Variants in NRXN3 observed in about 807,000 individuals in gnomAD.
NRXN3 encodes neurexin III.
NRXN3 carries 32 observed loss-of-function variants against 137.6 expected under a neutral mutation model. The observed-to-expected ratio is 0.23, with a 90% CI of 0.18 to 0.31. The LOEUF is 0.31. Among genes scored for constraint, NRXN3 ranks in the 10% least tolerant of loss-of-function variants. The pLI, the probability that NRXN3 is intolerant of heterozygous loss-of-function variation, is 1.00. For missense variants in NRXN3, 1,574 were observed against 2,062.5 expected, an observed-to-expected ratio of 0.76 and a Z score of 4.59; for synonymous variants, 798 against 784.5, an observed-to-expected ratio of 1.02 and a Z score of -0.29.
chr14:79,691,509 T>A (rs967070139), intron 17 of NRXN3, among the ~76,000 whole-genome samples: 41 of 152,166 alleles, frequency 2.7e-4, no homozygotes, highest in South Asian at 6.2e-4. Flanking sequence ...TCCTTATTTT[T>A]AAAAATGTGG....
rs577622129 is a variant in NRXN3, at chr14:78,785,259, G to A, written c.2045-18361G>A. On this transcript the variant is annotated intron_variant, in intron 8 of 20. Coordinates refer to ENST00000335750, the MANE Select transcript of NRXN3 (RefSeq NM_001330195.2). ...CATCAGACACACACTTGATCATCTA[G>A]TGTTTTGCAATATAATTAGTTGTTG... Among the ~76,000 whole-genome samples, 25 of 152,232 alleles carry A rather than the reference G, an allele frequency of 1.6e-4. No homozygotes were observed. In the South Asian group the frequency reaches 5.0e-3, roughly 30 times the overall value.
chr14:79,005,883 T>C (rs1196027920), intron 15 of NRXN3, among the ~76,000 whole-genome samples: 2 of 152,226 alleles, frequency 1.3e-5, no homozygotes, highest in African/African-American at 4.8e-5. Context: ...TTACTCTCTT[T>C]CCTTTCTTTC....
chr14:78,179,982 A>G (rs990435965), intron 1 of NRXN3, among the ~76,000 whole-genome samples: 2 of 151,728 alleles, frequency 1.3e-5, no homozygotes, highest in African/African-American at 2.4e-5. Context: ...AGAAGCTGGG[A>G]TTACAGGCAT....
intron 6 of NRXN3, among the ~76,000 whole-genome samples, chr14:78,666,355 G>T (rs1198735542): frequency 6.6e-6 from 1 of 152,082 alleles, no homozygotes; most frequent in Non-Finnish European, 1.5e-5. Context: ...CTCTTTCCAG[G>T]AGACGGTAGG....
At chr14:79,778,646 AG>A (rs2099104903) in intron 19 of NRXN3, among the ~76,000 whole-genome samples, 1 of 152,170 alleles carries the variant, frequency 6.6e-6, no homozygotes. Context: ...TTTTAAAAGA[AG>A]GGCAGGGGAA....
At chr14:79,039,929 A>G (rs1355020126) in intron 15 of NRXN3, among the ~76,000 whole-genome samples, 1 of 152,046 alleles carries the variant, frequency 6.6e-6, no homozygotes. Context: ...GTCTCAAACT[A>G]CTGACCTCAA....
chr14:79,507,618 AG>A (rs1256148986), intron 16 of NRXN3, among the ~76,000 whole-genome samples: 1 of 152,174 alleles, frequency 6.6e-6, no homozygotes, highest in African/African-American at 2.4e-5. Flanking sequence ...GATCTTGAGT[AG>A]GCAGGACCTT....
intron 15 of NRXN3, among the ~76,000 whole-genome samples, chr14:79,238,381 A>G (rs2073776202): frequency 6.6e-6 from 1 of 152,120 alleles, no homozygotes; most frequent in African/African-American, 2.4e-5. Context: ...CCCTATAGAG[A>G]CATATTCTCC....
chr14:79,104,288 G>C (rs1405698339), intron 15 of NRXN3, among the ~76,000 whole-genome samples: 1 of 152,140 alleles, frequency 6.6e-6, no homozygotes, highest in African/African-American at 2.4e-5. Flanking sequence ...GCAAAAGTGG[G>C]CAGTAGTCTT....
intron 16 of NRXN3, among the ~76,000 whole-genome samples, chr14:79,662,433 T>C (rs984929246): frequency 1.3e-5 from 2 of 152,128 alleles, no homozygotes; most frequent in African/African-American, 2.4e-5. Context: ...CTTTTAGTCA[T>C]AACCAATTAT....
At chr14:78,863,333 C>T (rs558335528) in intron 10 of NRXN3, among the ~76,000 whole-genome samples, 1 of 152,128 alleles carries the variant, frequency 6.6e-6, no homozygotes, top group African/African-American at 2.4e-5. Flanking sequence ...GTTCAGCCCC[C>T]GTATGGAGCT....
intron 16 of NRXN3, among the ~76,000 whole-genome samples, chr14:79,577,396 T>G (rs893354359): frequency 6.6e-6 from 1 of 152,206 alleles, no homozygotes; most frequent in Non-Finnish European, 1.5e-5. Flanking sequence ...TATTTTTCAG[T>G]CTTTTGAATG....
chr14:78,290,150 C>T (rs2075657999), intron 3 of NRXN3, among the ~76,000 whole-genome samples: 1 of 152,176 alleles, frequency 6.6e-6, no homozygotes, highest in Non-Finnish European at 1.5e-5. Flanking sequence ...ATAGACAATG[C>T]TGAGAAAAGG....
chr14:78,661,578 A>C (rs1024109541), intron 6 of NRXN3, among the ~76,000 whole-genome samples: 3 of 152,206 alleles, frequency 2.0e-5, no homozygotes, highest in African/African-American at 7.2e-5. Context: ...AAAATGGTAG[A>C]AATTGTGCAT....
chr14:79,798,774 G>A (rs1022054780), intron 19 of NRXN3, among the ~76,000 whole-genome samples: 18 of 152,150 alleles, frequency 1.2e-4, no homozygotes, highest in Admixed American at 2.6e-4. Flanking sequence ...AGAGTGAAAC[G>A]GTCTTGAGCA....
At chr14:78,520,200 C>T (rs946809570) in intron 4 of NRXN3, among the ~76,000 whole-genome samples, 8 of 152,180 alleles carry the variant, frequency 5.3e-5, no homozygotes, top group African/African-American at 1.9e-4. Context: ...TGGATACTAC[C>T]TGTCCAATGG....
rs35177007 is a variant in NRXN3, at chr14:78,326,926, CAA to C, written c.757+29082_757+29083del. ...TCACTGTGTTGCCTTGAGTGAGTTA[CAA>C]AAAAAAAAAAAAAAATCTCTCTGTT... On this transcript the variant is annotated intron_variant, in intron 4 of 20. Coordinates refer to ENST00000335750, the MANE Select transcript of NRXN3 (RefSeq NM_001330195.2). Among the ~76,000 whole-genome samples, 807 of 118,124 alleles carry C rather than the reference CAA, an allele frequency of 6.8e-3. 10 individuals carry two copies. The highest frequency in any genetic ancestry group is 0.023 in the African/African-American group (724 of 31,652). 77.5% of individuals were successfully genotyped at this position (118,124 alleles called of 152,430 possible). A position where few individuals can be genotyped will look rare whatever the true frequency, so the allele number is the denominator to read the frequency against.
intron 15 of NRXN3, among the ~76,000 whole-genome samples, chr14:79,447,392 T>C (rs2096079325): frequency 6.6e-6 from 1 of 152,254 alleles, no homozygotes; most frequent in South Asian, 2.1e-4. Flanking sequence ...TGTTCTTGTT[T>C]CCCAAATGGC....
At chr14:78,706,588 GCT>G (rs1337180861) in intron 6 of NRXN3, among the ~76,000 whole-genome samples, 1 of 152,128 alleles carries the variant, frequency 6.6e-6, no homozygotes, top group Admixed American at 6.5e-5. Flanking sequence ...TTCCCTAACT[GCT>G]CTCTGTGTCT....
Sources: gnomAD v4.1 joint callset for allele counts (sites outside exome capture counted in the v4.1 genomes callset) on GRCh38, gnomAD v4.1.1 for gene constraint, MANE v1.5 for transcripts, NCBI Gene and HGNC (gene_info 2026-07-23, HGNC 2026-07-21) for gene names.